Variants in GATA4 observed in about 807,000 individuals in gnomAD.
GATA4 encodes the protein transcription factor GATA-4.
A neutral mutation model predicts 37.9 loss-of-function variants in GATA4; 7 were observed. The observed-to-expected ratio is 0.18, with a 90% CI of 0.11 to 0.35. The LOEUF (loss-of-function observed/expected upper bound fraction) is 0.35, where lower values mean the gene tolerates loss of function less well. Among genes scored for constraint, GATA4 ranks in the 10% least tolerant of loss-of-function variants. The probability of loss-of-function intolerance (pLI) is 1.00; values close to 1 mark genes in which losing one functional copy is unlikely to be tolerated. For missense variants in GATA4, 647 were observed against 653.0 expected (o/e 0.99, Z 0.10); for synonymous variants, 372 against 292.6 (o/e 1.27, Z -2.77).
At chr8:11,725,354 T>C (rs570560016) in intron 2 of GATA4, among the ~76,000 whole-genome samples, 18 of 152,348 alleles carry the variant, frequency 1.2e-4, no homozygotes, top group Admixed American at 1.1e-3. Context: ...TAGGAAAGAC[T>C]GTCTCACCCC....
In GATA4 at chr8:11,749,146, G is replaced by T; in HGVS notation, c.786+61G>T. ...GGCTGCGGAGCTCTCGCCTTGGTGGGACATCCTCTGGTTTTGAATTTTGGA... is the reference window on the plus strand; with the variant it reads ...GGCTGCGGAGCTCTCGCCTTGGTGGTACATCCTCTGGTTTTGAATTTTGGA... On this transcript the variant is annotated intron_variant, in intron 3 of 6. Transcript: ENST00000532059. The surrounding 1 kb of genome is among the most constrained non-coding windows in gnomAD (Gnocchi z 4.6). 2 of 1,557,600 alleles carry T rather than the reference G, an allele frequency of 1.3e-6. No individual in the cohort carries two copies. The highest frequency in any genetic ancestry group is 1.4e-5 in the African/African-American group (1 of 73,762).
intron 1 of GATA4, among the ~76,000 whole-genome samples, chr8:11,698,934 A>G (rs1030911969): frequency 6.6e-6 from 1 of 152,218 alleles, no homozygotes; most frequent in Non-Finnish European, 1.5e-5. Flanking sequence ...ACTTCTGGCC[A>G]GTATTCTACT....
chr8:11,738,464 G>T (rs1304913533), intron 2 of GATA4, among the ~76,000 whole-genome samples: 1 of 152,146 alleles, frequency 6.6e-6, no homozygotes, highest in Non-Finnish European at 1.5e-5. Flanking sequence ...TATACTGCAA[G>T]AATTCCATAT....
rs1201345156 is a variant in GATA4, at chr8:11,708,469, T to C, written c.157T>C (p.Tyr53His). 1 of 1,527,602 alleles carries C rather than the reference T, an allele frequency of 6.5e-7. No homozygotes were observed. Among genetic ancestry groups the C allele is most frequent in the Non-Finnish European group, 8.7e-7 (1 of 1,143,306 alleles). 94.6% of individuals were successfully genotyped at this position (1,527,602 alleles called of 1,614,324 possible). A position where few individuals can be genotyped will look rare whatever the true frequency, so the allele number is the denominator to read the frequency against. The change falls in exon 2 of 7, where the codon TAC (tyrosine) becomes CAC (histidine). Residue 53 changes from tyrosine to histidine, a missense_variant. By Grantham distance (83) the Tyr-to-His change is moderately conservative (BLOSUM62 2). Around this residue, in one of 5 missense-constraint regions of GATA4, gnomAD observed 379 missense variants for 334.5 expected, o/e 1.13. Coordinates refer to ENST00000532059, the MANE Select transcript of GATA4 (RefSeq NM_001308093.3). The surrounding 1 kb of genome is among the most constrained non-coding windows in gnomAD (Gnocchi z 6.7). ...RVPSSVLGLSYLQGGGAGSAS... is the reference protein window; with the variant it reads ...RVPSSVLGLSHLQGGGAGSAS... The stretch of plus-strand genomic sequence containing the variant: ...GCCCTCCTCCGTGCTGGGCCTGTCC[T>C]ACCTCCAGGGCGGAGGCGCGGGCTC...
intron 2 of GATA4, among the ~76,000 whole-genome samples, chr8:11,725,222 A>G (rs754413806): frequency 6.6e-6 from 1 of 152,260 alleles, no homozygotes; most frequent in South Asian, 2.1e-4. Context: ...GGCCAATGTC[A>G]TCATCCTCCC....
At chr8:11,696,981 G>T (rs1441647913) in intron 1 of GATA4, among the ~76,000 whole-genome samples, 2 of 152,210 alleles carry the variant, frequency 1.3e-5, no homozygotes, top group Non-Finnish European at 2.9e-5. Flanking sequence ...CCTCACTGGC[G>T]GAGGCCCCCC....
intron 2 of GATA4, among the ~76,000 whole-genome samples, chr8:11,730,136 A>G (rs574324891): frequency 6.6e-6 from 1 of 151,846 alleles, no homozygotes; most frequent in Non-Finnish European, 1.5e-5. Context: ...CTGGTCTTGA[A>G]CTCATGAGCT....
At chr8:11,681,438 C>G (rs1798967285) in intron 1 of GATA4, 1 of 984,676 alleles carries the variant, frequency 1.0e-6, no homozygotes, top group South Asian at 4.7e-5. Context: ...AGCTACGATC[C>G]CCGCGCAGAC....
At chr8:11,682,432 G>A (rs947277992) in intron 1 of GATA4, among the ~76,000 whole-genome samples, 2 of 152,172 alleles carry the variant, frequency 1.3e-5, no homozygotes, top group Non-Finnish European at 2.9e-5. Context: ...GATTTCGAGT[G>A]CTTATTATTT....
intron 6 of GATA4, among the ~76,000 whole-genome samples, chr8:11,757,557 C>T (rs992126446): frequency 6.6e-6 from 1 of 152,150 alleles, no homozygotes; most frequent in Non-Finnish European, 1.5e-5. Flanking sequence ...GGTTAGACTT[C>T]AACAGGGAGG....
intron 4 of GATA4, 46 bp from the exon 5 acceptor site, chr8:11,755,000 C>T (rs956696541): frequency 2.1e-6 from 3 of 1,451,182 alleles, no homozygotes; most frequent in Non-Finnish European, 2.9e-6. Flanking sequence ...CTGTAGCAGA[C>T]TACGCAGAAA....
intron 5 of GATA4, 153 bp from the exon 6 acceptor site, chr8:11,756,782 C>A (rs1418986379): frequency 6.1e-6 from 6 of 988,120 alleles, no homozygotes; most frequent in Non-Finnish European, 9.6e-6. Flanking sequence ...CCTGTGAGAA[C>A]TGTAGCCCTC....
chr8:11,691,538 AC>A (rs764046719), upstream of GATA4, among the ~76,000 whole-genome samples: 9 of 152,368 alleles, frequency 5.9e-5, no homozygotes, highest in East Asian at 1.2e-3. Context: ...GCTTAAAGTC[AC>A]AAAATGTTGG....
At chr8:11,680,717 G>T (rs1030522338) in intron 1 of GATA4, 3 of 985,188 alleles carry the variant, frequency 3.0e-6, no homozygotes, top group African/African-American at 1.7e-5. Context: ...CAGCCGCTGC[G>T]CACGGATACC....
chr8:11,681,758 C>A (rs190504888), intron 1 of GATA4, among the ~76,000 whole-genome samples: 100 of 152,132 alleles, frequency 6.6e-4, no homozygotes, highest in African/African-American at 2.3e-3. Context: ...TTACTTTGTT[C>A]TTTGCCCACA....
intron 1 of GATA4, chr8:11,680,879 C>A (rs1403791566): frequency 1.0e-6 from 1 of 985,234 alleles, no homozygotes; most frequent in Non-Finnish European, 1.2e-6. Flanking sequence ...TTCTCAGTTG[C>A]GACCCCCTGT....
intron 6 of GATA4, 123 bp downstream of exon 6, chr8:11,757,206 C>T (rs967741533): frequency 7.1e-6 from 10 of 1,411,974 alleles, no homozygotes; most frequent in Non-Finnish European, 9.6e-6. Context: ...AGTGAGCTAC[C>T]CTCTGCGCTA....
upstream of GATA4, chr8:11,692,119 C>A (rs949904197): frequency 1.1e-5 from 9 of 847,820 alleles, no homozygotes; most frequent in South Asian, 3.8e-4. Flanking sequence ...GGAGCTCGGG[C>A]CACCTGTTCT....
upstream of GATA4, chr8:11,691,926 A>AT (rs1447898206): frequency 2.5e-6 from 2 of 812,582 alleles, no homozygotes; most frequent in African/African-American, 3.7e-5. Flanking sequence ...AAAAAAAAAA[A>AT]ATCAAAAACC....
Sources: gnomAD v4.1 joint callset for allele counts (sites outside exome capture counted in the v4.1 genomes callset) on GRCh38, gnomAD v4.1.1 for gene constraint, gnomAD v4.1.1 regional missense constraint, Gnocchi (gnomAD v3.1) non-coding constraint, MANE v1.5 for transcripts, NCBI Gene and HGNC (gene_info 2026-07-23, HGNC 2026-07-21) for gene names.